GP6: variants seen among roughly 807,000 people sequenced by gnomAD.
GP6 encodes glycoprotein VI platelet.
In GP6, 45 loss-of-function variants were observed where a neutral mutation model predicts 37.3. The ratio of observed to expected loss-of-function variants is 1.21; its 90% CI spans 0.95 to 1.55. The LOEUF is 1.55. GP6 is among the 40% of genes most tolerant of loss of function. The pLI is 0.00. For synonymous variants in GP6, 340 were observed against 316.4 expected (o/e 1.07, Z -0.79); for missense variants, 813 against 760.2 (o/e 1.07, Z -0.82).
chr19:55,032,643 C>A, intron 1 of GP6, 105 bp from the exon 2 acceptor site: 1 of 1,182,506 alleles, frequency 8.5e-7, no homozygotes, highest in East Asian at 2.5e-5. Context: ...TTTACTCTGT[C>A]CTAATAATTT....
chr19:55,032,451 C>G (rs1218765232), intron 2 of GP6, 55 bp from the exon 3 acceptor site: 2 of 1,612,952 alleles, frequency 1.2e-6, no homozygotes, highest in African/African-American at 2.7e-5. Flanking sequence ...CTGGACCCCG[C>G]TGCTCCCGCG....
Position 55,014,925 on chromosome 19 carries a change from G to A in GP6, c.1020C>T (p.Phe340=), listed in dbSNP as rs754606143. 1.2e-6 allele frequency: 2 copies of A among 1,613,450 alleles called. No individual in the cohort carries two copies. Among genetic ancestry groups the A allele is most frequent in the East Asian group, 2.2e-5 (1 of 44,870 alleles). Residue 340 remains phenylalanine, a synonymous_variant, in exon 8 of 8, where the codon TTC becomes TTT. Transcript: ENST00000310373. ...ACCGTGCCTGGGGTTCAGCGGTCAT[G>A]AACATAACCCGCGGCTGTGAACATC...
At chr19:55,021,312 C>T (rs1165347544) in intron 5 of GP6, among the ~76,000 whole-genome samples, 4 of 149,614 alleles carry the variant, frequency 2.7e-5, no homozygotes, top group East Asian at 2.0e-4. Flanking sequence ...TGCAGTGAGC[C>T]GAGATCGCAC....
intron 1 of GP6, 47 bp from the exon 2 acceptor site, chr19:55,032,585 A>C (rs1307944149): frequency 5.6e-5 from 90 of 1,603,768 alleles, no homozygotes; most frequent in Non-Finnish European, 7.1e-5. Context: ...GCTTTTATGG[A>C]CATTCCTGCC....
chr19:55,020,052 G>A (rs2074021073), intron 5 of GP6, among the ~76,000 whole-genome samples: 1 of 151,814 alleles, frequency 6.6e-6, no homozygotes, highest in Non-Finnish European at 1.5e-5. Flanking sequence ...TAAATACGAA[G>A]CTCTTGTTGC....
intron 3 of GP6, among the ~76,000 whole-genome samples, chr19:55,028,994 CAA>C (rs1425102410): frequency 6.8e-6 from 1 of 146,610 alleles, no homozygotes; most frequent in East Asian, 2.0e-4. Context: ...GACCTTGTCT[CAA>C]AAAAAGACAG....
chr19:55,014,885 C>G lies in GP6; in HGVS notation c.1060G>C (p.Gly354Arg), dbSNP rs2073800235. 1 of 1,613,966 alleles carries G rather than the reference C, an allele frequency of 6.2e-7. No individual in the cohort carries two copies. Among genetic ancestry groups the G allele is most frequent in the African/African-American group, 1.3e-5 (1 of 75,022 alleles). Residue 354 changes from glycine (G) to arginine (R), a missense_variant, in exon 8 of 8, where the codon GGA (glycine) becomes CGA (arginine). By Grantham distance (125) the Gly-to-Arg change is moderately radical. Transcript: ENST00000310373. Reference sequence around the variant, plus strand: ...TTGAGTCGCCTCCCATGCCATGATCCCTCCCTTGGATACGACCGTGCCTGG... The same window carrying G: ...TTGAGTCGCCTCCCATGCCATGATCGCTCCCTTGGATACGACCGTGCCTGG...
rs1020203056 is a variant in GP6 at position 55,028,763 on chromosome 19, C to T, written c.326-901G>A. 4.6e-5 allele frequency among the ~76,000 whole-genome samples: 7 copies of T among 152,324 alleles called. No homozygotes were observed. The East Asian group carries it at 9.6e-4, about 21-fold the overall frequency. ...ATTCCAGGGTCTCCGCTCCTAAACA[C>T]GAACCTACACTACTCTGATGTGAGG... On this transcript the variant is annotated intron_variant, in intron 3 of 7. Coordinates refer to ENST00000310373, the MANE Select transcript of GP6 (RefSeq NM_001083899.2).
At chr19:55,015,246 A>G (rs2073828924) in intron 7 of GP6, 81 bp from the exon 8 acceptor site, 3 of 1,547,994 alleles carry the variant, frequency 1.9e-6, no homozygotes, top group African/African-American at 1.4e-5. Flanking sequence ...GGCTTCTCAG[A>G]GATCCTATTA....
intron 3 of GP6, among the ~76,000 whole-genome samples, chr19:55,030,114 G>T (rs1007216659): frequency 6.6e-6 from 1 of 152,186 alleles, no homozygotes; most frequent in Non-Finnish European, 1.5e-5. Flanking sequence ...TCCCCTGAAA[G>T]ATTTATTAGA....
intron 4 of GP6, among the ~76,000 whole-genome samples, chr19:55,026,818 G>A (rs750769462): frequency 6.6e-5 from 10 of 151,994 alleles, no homozygotes; most frequent in Non-Finnish European, 1.2e-4. Context: ...CCCGGAAGGC[G>A]GAGGTTGCAG....
At chr19:55,017,442 A>G (rs894247008) in intron 6 of GP6, among the ~76,000 whole-genome samples, 30 of 152,130 alleles carry the variant, frequency 2.0e-4, no homozygotes, top group Non-Finnish European at 1.0e-4. Flanking sequence ...GCAGCCCACA[A>G]GACACTGAGC....
chr19:55,024,667 A>C (rs1415912114), intron 5 of GP6, among the ~76,000 whole-genome samples: 1 of 152,228 alleles, frequency 6.6e-6, no homozygotes, highest in East Asian at 1.9e-4. Context: ...TTCTCAAAGC[A>C]GCATTCTGGA....
At chr19:55,035,276 C>T (rs556308135) in intron 1 of GP6, among the ~76,000 whole-genome samples, 83 of 151,998 alleles carry the variant, frequency 5.5e-4, no homozygotes, top group Non-Finnish European at 1.0e-3. Flanking sequence ...GTTACCGGGG[C>T]GGTGGGGTAA....
At position 55,014,649 on chromosome 19, in the gene GP6, C is replaced by T; in HGVS notation, c.1296G>A (p.Trp432Ter). Residue 432 changes from tryptophan (W) to a stop codon, truncating the protein, a stop_gained, in exon 8 of 8, where the codon TGG becomes TGA. Transcript: ENST00000310373. LOFTEE classifies it low-confidence loss of function (END_TRUNC). Reference sequence around the variant, plus strand: ...GCCAGTATGTGGTCCAGCCAGGGTACCATGTCATCCACAGTGTGCAGGGAG... The same window carrying T: ...GCCAGTATGTGGTCCAGCCAGGGTATCATGTCATCCACAGTGTGCAGGGAG... 2 of 1,614,074 alleles carry T rather than the reference C, an allele frequency of 1.2e-6. No homozygotes were observed. The highest frequency in any genetic ancestry group is 1.1e-5 in the South Asian group (1 of 91,082).
intron 1 of GP6, chr19:55,032,845 T>TCG (rs2074619732): frequency 3.6e-6 from 2 of 557,088 alleles, no homozygotes; most frequent in African/African-American, 3.8e-5. Context: ...CTCTGTGGAC[T>TCG]TGTTCGTGTT....
At chr19:55,026,810 C>T (rs1239128098) in intron 4 of GP6, among the ~76,000 whole-genome samples, 1 of 151,958 alleles carries the variant, frequency 6.6e-6, no homozygotes, top group Non-Finnish European at 1.5e-5. Flanking sequence ...CGCTTGAACC[C>T]GGAAGGCGGA....
intron 3 of GP6, among the ~76,000 whole-genome samples, chr19:55,029,360 ATATATATATATATATTTTTTTTTTTTTTT>A (rs1568629081): frequency 3.1e-3 from 8 of 2,554 alleles, no homozygotes; most frequent in Non-Finnish European, 3.8e-3. Flanking sequence ...ATATATATAT[ATATATATATATATATTTTTTTTTTTTTTT>A]TTTTTTTTTT....
intron 3 of GP6, among the ~76,000 whole-genome samples, chr19:55,030,178 C>T (rs977176665): frequency 7.8e-5 from 11 of 140,674 alleles, no homozygotes; most frequent in Admixed American, 3.2e-4. Flanking sequence ...ATTTCCAAAA[C>T]CTACTTCTAG....
Sources: gnomAD v4.1 joint callset for allele counts (sites outside exome capture counted in the v4.1 genomes callset) on GRCh38, gnomAD v4.1.1 for gene constraint, MANE v1.5 for transcripts, NCBI Gene and HGNC (gene_info 2026-07-23, HGNC 2026-07-21) for gene names.